The following BEAN1 variants were observed in gnomAD, a reference collection of about 807,000 sequenced individuals.
BEAN1 encodes brain expressed associated with NEDD4 1.
In BEAN1, 17 loss-of-function variants were observed where a neutral mutation model predicts 17.7. That is an observed-to-expected ratio of 0.96 (90% CI 0.66 to 1.44). The LOEUF (loss-of-function observed/expected upper bound fraction) is 1.44. Among genes scored for constraint, BEAN1 ranks in the 40% most tolerant of loss-of-function variants. BEAN1 has a pLI of 0.00. For synonymous variants in BEAN1, 142 were observed against 151.8 expected, an observed-to-expected ratio of 0.94 and a Z score of 0.47; for missense variants, 359 against 374.1, an observed-to-expected ratio of 0.96 and a Z score of 0.33.
intron 1 of BEAN1, among the ~76,000 whole-genome samples, chr16:66,428,816 G>A (rs1961684741): frequency 6.6e-6 from 1 of 152,126 alleles, no homozygotes; most frequent in African/African-American, 2.4e-5. Context: ...CTCCAAGGAG[G>A]CCTTTGAATT....
intron 2 of BEAN1, among the ~76,000 whole-genome samples, chr16:66,445,533 G>GTCAGGGCA (rs1962420403): frequency 6.9e-6 from 1 of 144,734 alleles, no homozygotes; most frequent in Admixed American, 7.0e-5. Flanking sequence ...GAGGTGATGG[G>GTCAGGGCA]TCAGGGCATA....
At chr16:66,454,004 G>A (rs868192976) in intron 2 of BEAN1, among the ~76,000 whole-genome samples, 5 of 152,220 alleles carry the variant, frequency 3.3e-5, no homozygotes, top group African/African-American at 1.2e-4. Context: ...AAAGTGCTGG[G>A]ATTCCAGGCG....
intron 2 of BEAN1, among the ~76,000 whole-genome samples, chr16:66,464,157 G>A (rs915657163): frequency 3.3e-5 from 5 of 152,170 alleles, no homozygotes; most frequent in Middle Eastern, 3.4e-3. Context: ...AGATCATTTC[G>A]GTTTCTGCAA....
At chr16:66,431,178 GA>G (rs1433246861) in intron 1 of BEAN1, among the ~76,000 whole-genome samples, 1 of 152,068 alleles carries the variant, frequency 6.6e-6, no homozygotes, top group Non-Finnish European at 1.5e-5. Context: ...ATTTTTCCTT[GA>G]GAACACCCCG....
chr16:66,492,796 CT>C (rs1964192897), intron 4 of BEAN1, among the ~76,000 whole-genome samples: 1 of 152,266 alleles, frequency 6.6e-6, no homozygotes, highest in African/African-American at 2.4e-5. Flanking sequence ...CAGTGTACCC[CT>C]GATCATGGGC....
At chr16:66,431,053 T>C (rs74026533) in intron 1 of BEAN1, among the ~76,000 whole-genome samples, 18 of 152,374 alleles carry the variant, frequency 1.2e-4, no homozygotes, top group African/African-American at 4.3e-4. Flanking sequence ...AAACAATGGA[T>C]ATTATTTTTC....
In BEAN1 at chr16:66,480,792, A is replaced by G; in HGVS notation, c.647A>G (p.Tyr216Cys). 1 of 1,549,542 alleles carries G rather than the reference A, an allele frequency of 6.5e-7. No homozygotes were observed. The highest frequency in any genetic ancestry group is 8.7e-7 in the Non-Finnish European group (1 of 1,146,092). The change falls in exon 5 of 5, where the codon TAC becomes TGC. Residue 216 changes from tyrosine (Y) to cysteine (C), a missense_variant. By Grantham distance (194) the Tyr-to-Cys change is radical. Transcript: ENST00000536005. ...HTVSMDTLPP[Y>C]EAVCGAGPPS... Reference sequence around the variant, plus strand: ...GTCTCCATGGACACCCTTCCCCCCTACGAGGCTGTGTGCGGGGCTGGCCCC... The same window carrying G: ...GTCTCCATGGACACCCTTCCCCCCTGCGAGGCTGTGTGCGGGGCTGGCCCC...
At chr16:66,484,335 G>A (rs988742290), downstream of BEAN1, 17 of 336,182 alleles carry the variant, frequency 5.1e-5, 1 homozygote, top group South Asian at 1.2e-4. The surrounding 1 kb of genome is among the most constrained non-coding windows in gnomAD (Gnocchi z 4.2). Flanking sequence ...ACCCCACACC[G>A]ACACCCAGCT....
rs1962078453 is a variant in BEAN1, at chr16:66,437,608, C to A, written c.-69C>A. On this transcript the variant is annotated 5_prime_UTR_variant, in exon 2 of 5. Coordinates refer to ENST00000536005, the MANE Select transcript of BEAN1 (RefSeq NM_001178020.3). Reference sequence around the variant, plus strand: ...GTGTCTCCGCAGGTGAGTGGAGGGGCCTTCCCTGCGAGAAGTCAGAGCTGT... The same window carrying A: ...GTGTCTCCGCAGGTGAGTGGAGGGGACTTCCCTGCGAGAAGTCAGAGCTGT... 2 of 1,488,690 alleles carry A rather than the reference C, an allele frequency of 1.3e-6. No homozygotes were observed. The highest frequency in any genetic ancestry group is 4.0e-5 in the Admixed American group (2 of 50,618). The allele number at this position is 1,488,690 out of a possible 1,614,324, so 92.2% of individuals were successfully genotyped here.
chr16:66,438,791 T>C (rs930484142), intron 2 of BEAN1, among the ~76,000 whole-genome samples: 1 of 151,986 alleles, frequency 6.6e-6, no homozygotes, highest in Non-Finnish European at 1.5e-5. Context: ...CTTTCTTCCA[T>C]GATGTTCCCT....
chr16:66,468,856 C>A (rs369052591), intron 2 of BEAN1, among the ~76,000 whole-genome samples: 2 of 152,150 alleles, frequency 1.3e-5, no homozygotes, highest in Non-Finnish European at 2.9e-5. Context: ...AGTCACCCGT[C>A]CCCAGGAGCT....
chr16:66,495,254 G>A (rs751212694), downstream of BEAN1, among the ~76,000 whole-genome samples: 8 of 152,082 alleles, frequency 5.3e-5, no homozygotes, highest in Admixed American at 3.9e-4. Context: ...CACAGGGCAC[G>A]CTGGTTATCA....
rs979019386 is a variant in BEAN1 at position 66,427,633 on chromosome 16, C to G, written c.-83+202C>G. On this transcript the variant is annotated intron_variant, in intron 1 of 4. Coordinates refer to ENST00000536005, the MANE Select transcript of BEAN1 (RefSeq NM_001178020.3). This position sits in a 1 kb window ranked among gnomAD's most constrained non-coding sequence, Gnocchi z 4.7. ...ACGGAGCGGGATCCCGGGTCTCCCG[C>G]GGACCCTCGACCCCGGGCTGGCCAC... 6.6e-6 allele frequency: 1 copy of G among 152,098 alleles called. No individual in the cohort carries two copies. Among genetic ancestry groups the G allele is most frequent in the Non-Finnish European group, 1.5e-5 (1 of 68,022 alleles). 9.4% of individuals were successfully genotyped at this position (152,098 alleles called of 1,614,324 possible). A position where few individuals can be genotyped will look rare whatever the true frequency, so the allele number is the denominator to read the frequency against.
intron 2 of BEAN1, among the ~76,000 whole-genome samples, chr16:66,440,261 C>G (rs1304780437): frequency 6.6e-6 from 1 of 151,350 alleles, no homozygotes; most frequent in African/African-American, 2.4e-5. Context: ...TCCCAAGTAG[C>G]TGGGACTACA....
chr16:66,490,090 C>T (rs903932864), intron 4 of BEAN1, among the ~76,000 whole-genome samples: 19 of 151,538 alleles, frequency 1.3e-4, no homozygotes, highest in African/African-American at 4.4e-4. Context: ...AATCAAGACC[C>T]AGGTCCTCAG....
At chr16:66,435,222 T>C (rs941225648) in intron 1 of BEAN1, among the ~76,000 whole-genome samples, 1 of 152,094 alleles carries the variant, frequency 6.6e-6, no homozygotes, top group Non-Finnish European at 1.5e-5. Context: ...TGGCAGTAAC[T>C]GAGAGGCACT....
At chr16:66,441,635 A>G (rs150201132) in intron 2 of BEAN1, among the ~76,000 whole-genome samples, 156 of 152,264 alleles carry the variant, frequency 1.0e-3, no homozygotes, top group African/African-American at 3.4e-3. Context: ...AACAAGCCCA[A>G]ACGTTTCCCA....
chr16:66,463,218 G>A (rs9928589), intron 2 of BEAN1, among the ~76,000 whole-genome samples: 126 of 152,316 alleles, frequency 8.3e-4, no homozygotes, highest in African/African-American at 2.8e-3. Context: ...AGAACTGCCA[G>A]TCTGTGTTCA....
At chr16:66,493,360 G>T (rs1489168381) in exon 5 of BEAN1, 6 of 665,990 alleles carry the variant, frequency 9.0e-6, no homozygotes, top group Non-Finnish European at 1.6e-5. Flanking sequence ...CTGCTGGCCA[G>T]AGATCTCTGC....
Sources: gnomAD v4.1 joint callset for allele counts (sites outside exome capture counted in the v4.1 genomes callset) on GRCh38, gnomAD v4.1.1 for gene constraint, Gnocchi (gnomAD v3.1) non-coding constraint, MANE v1.5 for transcripts, NCBI Gene and HGNC (gene_info 2026-07-23, HGNC 2026-07-21) for gene names.